WDPCP: variants seen among roughly 807,000 people sequenced by gnomAD.
WDPCP encodes the protein WD repeat-containing and planar cell polarity effector protein fritz homolog.
Under a neutral mutation model 93.1 loss-of-function variants are expected in WDPCP, and 71 were observed. The observed-to-expected ratio is 0.76, with a 90% CI of 0.63 to 0.93. The LOEUF is 0.93. WDPCP is among the 40% of genes least tolerant of loss of function. The pLI is 0.00. For synonymous variants in WDPCP, 315 were observed against 315.0 expected (o/e 1.00, Z 0.00); for missense variants, 844 against 887.4 (o/e 0.95, Z 0.62).
Position 63,605,855 on chromosome 2 carries a change from G to A in WDPCP, n.488+44804C>T, listed in dbSNP as rs1401247702. ...ATGATGTTATGAACATAGTAAGAAA[G>A]GGTCACCTGGTTTAATTTTATTAGT... is the stretch of plus-strand genomic sequence containing the variant. On this transcript the variant is annotated intron_variant and non_coding_transcript_variant, in intron 3 of 4. Transcript: ENST00000467687. 4 of 1,092,498 alleles carry A rather than the reference G, an allele frequency of 3.7e-6. No individual in the cohort carries two copies. In the African/African-American group the frequency reaches 6.2e-5, roughly 17 times the overall value. The allele number at this position is 1,092,498 out of a possible 1,614,324, so 67.7% of individuals were successfully genotyped here.
intron 3 of WDPCP, among the ~76,000 whole-genome samples, chr2:63,633,304 TA>T (rs1709883975): frequency 6.6e-6 from 1 of 152,118 alleles, no homozygotes; most frequent in Non-Finnish European, 1.5e-5. Flanking sequence ...CTGGTAAAGG[TA>T]AATATATAGT....
At chr2:63,465,647 ATTT>A (rs1484916751) in intron 6 of WDPCP, among the ~76,000 whole-genome samples, 1 of 152,214 alleles carries the variant, frequency 6.6e-6, no homozygotes, top group East Asian at 1.9e-4. Context: ...AAAGAAAAAG[ATTT>A]TTATTTCATT....
chr2:63,235,895 C>T (rs551469767), intron 14 of WDPCP, among the ~76,000 whole-genome samples: 3 of 152,202 alleles, frequency 2.0e-5, no homozygotes, highest in Admixed American at 6.5e-5. Flanking sequence ...CATCGTACTG[C>T]GTGGGCAAAA....
At chr2:63,646,006 T>C (rs1242160083) in intron 3 of WDPCP, among the ~76,000 whole-genome samples, 2 of 152,150 alleles carry the variant, frequency 1.3e-5, no homozygotes, top group African/African-American at 4.8e-5. Flanking sequence ...CATTCATTGT[T>C]ATTACTGATA....
chr2:63,654,632 G>A (rs1710145176), intron 2 of WDPCP, among the ~76,000 whole-genome samples: 1 of 152,194 alleles, frequency 6.6e-6, no homozygotes, highest in African/African-American at 2.4e-5. Flanking sequence ...GTCTGTGGGA[G>A]ATTGGTTCCA....
chr2:63,468,929 C>T (rs1013263255), intron 6 of WDPCP, among the ~76,000 whole-genome samples: 1 of 151,950 alleles, frequency 6.6e-6, no homozygotes, highest in Admixed American at 6.6e-5. Flanking sequence ...TCTATTTCTC[C>T]ATTTTCCTTT....
chr2:63,609,118 G>A (rs926720458), intron 3 of WDPCP, among the ~76,000 whole-genome samples: 1 of 151,938 alleles, frequency 6.6e-6, no homozygotes, highest in African/African-American at 2.4e-5. Context: ...TGTAATCCCA[G>A]TACTTTGGGA....
intron 15 of WDPCP, among the ~76,000 whole-genome samples, chr2:63,172,452 A>G (rs569362595): frequency 7.9e-5 from 12 of 152,062 alleles, no homozygotes; most frequent in Non-Finnish European, 1.8e-4. Flanking sequence ...AGGCTGCAGT[A>G]AGCCATGATC....
intron 6 of WDPCP, among the ~76,000 whole-genome samples, chr2:63,481,399 C>T (rs533969086): frequency 4.6e-5 from 7 of 151,944 alleles, no homozygotes; most frequent in African/African-American, 1.2e-4. Context: ...GGGTATCTAC[C>T]GAGATGAAAA....
At chr2:63,801,132 C>G (rs1260660805) in intron 2 of WDPCP, among the ~76,000 whole-genome samples, 1 of 152,224 alleles carries the variant, frequency 6.6e-6, no homozygotes, top group Admixed American at 6.5e-5. Flanking sequence ...TGATGAGCAT[C>G]TTAGCTGGGT....
intron 13 of WDPCP, among the ~76,000 whole-genome samples, chr2:63,293,213 A>C (rs551230547): frequency 1.1e-4 from 16 of 152,318 alleles, no homozygotes; most frequent in African/African-American, 3.9e-4. Context: ...AACATTAAAG[A>C]CTAGGACTCT....
intron 14 of WDPCP, among the ~76,000 whole-genome samples, chr2:63,222,432 C>T (rs1192889509): frequency 3.3e-5 from 5 of 152,162 alleles, no homozygotes; most frequent in Non-Finnish European, 5.9e-5. Context: ...GAGCAAGGGC[C>T]TCTGGCTTAG....
intron 2 of WDPCP, among the ~76,000 whole-genome samples, chr2:63,806,686 C>A (rs1315421550): frequency 2.6e-5 from 4 of 152,074 alleles, no homozygotes; most frequent in South Asian, 2.1e-4. Context: ...AGTTCAGAGA[C>A]CCACCCCGAG....
intron 1 of WDPCP, among the ~76,000 whole-genome samples, chr2:63,550,218 CA>C (rs1157716861): frequency 9.0e-4 from 136 of 151,624 alleles, no homozygotes; most frequent in Non-Finnish European, 1.2e-3. Context: ...CACACACACA[CA>C]CACACACACA....
chr2:63,703,937 G>C (rs553684978), intron 2 of WDPCP, among the ~76,000 whole-genome samples: 1 of 152,284 alleles, frequency 6.6e-6, no homozygotes, highest in Non-Finnish European at 1.5e-5. Context: ...CATGAGCATG[G>C]AATGTTCTTC....
chr2:63,521,323 G>C (rs1702915688), intron 1 of WDPCP, among the ~76,000 whole-genome samples: 1 of 152,118 alleles, frequency 6.6e-6, no homozygotes, highest in Admixed American at 6.5e-5. Flanking sequence ...GTCTCACATG[G>C]CATTAGACCC....
rs112072971 is a variant in WDPCP, at chr2:63,457,865, G to A, written c.385-17994C>T. Among the ~76,000 whole-genome samples the A allele has an allele frequency of 3.2e-3, 494 of 152,178 alleles. 2 individuals are homozygous for A. The highest frequency in any genetic ancestry group is 6.3e-3 in the Non-Finnish European group (429 of 67,998). On this transcript the variant is annotated intron_variant, in intron 6 of 17. Coordinates refer to ENST00000272321, the MANE Select transcript of WDPCP (RefSeq NM_015910.7). ...TAAAAACTGGAATACGGTGGCTCAC[G>A]CCTGTAACCCAGCACTTTGGGAGGC...
chr2:63,252,201 A>G (rs991900258), intron 14 of WDPCP, among the ~76,000 whole-genome samples: 16 of 152,186 alleles, frequency 1.1e-4, no homozygotes, highest in Admixed American at 2.6e-4. Context: ...GATTATCTCA[A>G]TAGACATGGA....
intron 2 of WDPCP, among the ~76,000 whole-genome samples, chr2:63,757,810 G>A (rs182214994): frequency 5.3e-5 from 8 of 152,254 alleles, no homozygotes; most frequent in African/African-American, 1.9e-4. Context: ...CTACCATAGC[G>A]ATCACAGAAA....
Sources: allele counts gnomAD v4.1 joint callset (sites outside exome capture counted in the v4.1 genomes callset), GRCh38; gene constraint gnomAD v4.1.1; transcripts MANE v1.5; gene names NCBI Gene and HGNC (gene_info 2026-07-23, HGNC 2026-07-21).